Variants in TMEM232 observed in about 807,000 individuals in gnomAD.
The protein encoded by TMEM232 is transmembrane protein 232.
TMEM232 carries 80 observed loss-of-function variants against 78.8 expected under a neutral mutation model. That is an observed-to-expected ratio of 1.01 (90% CI 0.85 to 1.22). TMEM232 has a LOEUF of 1.22. Among genes scored for constraint, TMEM232 ranks in the 50% most tolerant of loss-of-function variants. The pLI is 0.00. For missense variants in TMEM232, 881 were observed against 742.2 expected, an observed-to-expected ratio of 1.19 and a Z score of -2.17; for synonymous variants, 297 against 254.3, an observed-to-expected ratio of 1.17 and a Z score of -1.60.
chr5:110,497,501 T>G (rs1765765701), intron 12 of TMEM232, among the ~76,000 whole-genome samples: 1 of 152,116 alleles, frequency 6.6e-6, no homozygotes, highest in Non-Finnish European at 1.5e-5. Flanking sequence ...AGACAGGGGC[T>G]TTGTATACCA....
At chr5:110,657,663 G>T (rs1580537594) in intron 2 of TMEM232, among the ~76,000 whole-genome samples, 1 of 152,004 alleles carries the variant, frequency 6.6e-6, no homozygotes, top group South Asian at 2.1e-4. Context: ...AGAAGAATTT[G>T]TTTTCGTGTT....
At chr5:110,453,453 C>T (rs949019858) in intron 12 of TMEM232, among the ~76,000 whole-genome samples, 3 of 152,078 alleles carry the variant, frequency 2.0e-5, no homozygotes, top group South Asian at 4.1e-4. Flanking sequence ...AGGCATGCTC[C>T]ACCACGTCCA....
rs1180087134 is a variant in TMEM232, at chr5:110,532,813, C to G, written c.1456-3978G>C. Among the ~76,000 whole-genome samples, 7 of 152,090 alleles carry G rather than the reference C, an allele frequency of 4.6e-5. No homozygotes were observed. The East Asian group carries it at 1.4e-3, about 29-fold the overall frequency. On this transcript the variant is annotated intron_variant, in intron 11 of 13. Transcript: ENST00000455884. ...CTCATTAAAACCTAATCACCCTTACCCCGCTCAATGCCAATATCCCATCCC... is the reference window on the plus strand; with the variant it reads ...CTCATTAAAACCTAATCACCCTTACGCCGCTCAATGCCAATATCCCATCCC...
intron 11 of TMEM232, among the ~76,000 whole-genome samples, chr5:110,567,333 A>G (rs1412057231): frequency 6.6e-6 from 1 of 151,692 alleles, no homozygotes; most frequent in Non-Finnish European, 1.5e-5. Context: ...ATTAAATTTA[A>G]TTATTAAACA....
intron 2 of TMEM232, among the ~76,000 whole-genome samples, chr5:110,406,804 A>C (rs1421487133): frequency 2.6e-5 from 4 of 152,128 alleles, no homozygotes; most frequent in African/African-American, 9.7e-5. Context: ...TAATTTTAAG[A>C]ATGTAAATTG....
At chr5:110,417,595 T>C (rs1052216447), downstream of TMEM232, 3 of 151,586 alleles carry the variant, frequency 2.0e-5, no homozygotes, top group South Asian at 6.2e-4. Context: ...AGGTGATGCT[T>C]TCTTTCAAAC....
intron 1 of TMEM232, among the ~76,000 whole-genome samples, chr5:110,700,139 T>C (rs1795262530): frequency 3.9e-5 from 6 of 152,022 alleles, no homozygotes; most frequent in Admixed American, 3.9e-4. Context: ...TTCGCACAAA[T>C]AATTCCCCAG....
At chr5:110,516,336 G>T (rs970422980) in intron 12 of TMEM232, among the ~76,000 whole-genome samples, 2 of 152,244 alleles carry the variant, frequency 1.3e-5, no homozygotes, top group Middle Eastern at 3.4e-3. Context: ...ATAATTAGTT[G>T]TTTATAAGAT....
chr5:110,587,691 A>ATATATATATGTG (rs1209205049), intron 10 of TMEM232, among the ~76,000 whole-genome samples: 79 of 63,104 alleles, frequency 1.3e-3, no homozygotes, highest in African/African-American at 4.2e-3. Context: ...ATATATATAT[A>ATATATATATGTG]TGTGTGTGTG....
chr5:110,444,739 A>G (rs1759462080), intron 12 of TMEM232, among the ~76,000 whole-genome samples: 1 of 152,220 alleles, frequency 6.6e-6, no homozygotes, highest in African/African-American at 2.4e-5. Context: ...TTTATTTTTG[A>G]GCACAATTTG....
At chr5:110,734,047 T>C (rs1375613633) in intron 2 of TMEM232, among the ~76,000 whole-genome samples, 1 of 152,384 alleles carries the variant, frequency 6.6e-6, no homozygotes, top group Non-Finnish European at 1.5e-5. Flanking sequence ...TTTGTGATGA[T>C]AGTATTTAAT....
intron 7 of TMEM232, among the ~76,000 whole-genome samples, chr5:110,623,944 T>C (rs923340185): frequency 6.6e-6 from 1 of 152,188 alleles, no homozygotes; most frequent in African/African-American, 2.4e-5. Flanking sequence ...CCCTTTCATG[T>C]ATTGACATTT....
chr5:110,573,028 T>C (rs1777145602), intron 10 of TMEM232, among the ~76,000 whole-genome samples: 2 of 151,942 alleles, frequency 1.3e-5, no homozygotes, highest in Non-Finnish European at 2.9e-5. Flanking sequence ...TGAGAGAAAA[T>C]ATGTCTGTGT....
upstream of TMEM232, among the ~76,000 whole-genome samples, chr5:110,727,956 T>C (rs1288804753): frequency 1.3e-5 from 2 of 152,154 alleles, no homozygotes; most frequent in African/African-American, 2.4e-5. Flanking sequence ...TATTTAATAA[T>C]AGCCTGGGGG....
At chr5:110,596,024 G>C (rs1780116492) in intron 10 of TMEM232, among the ~76,000 whole-genome samples, 1 of 152,152 alleles carries the variant, frequency 6.6e-6, no homozygotes, top group African/African-American at 2.4e-5. Context: ...GGCAGCCAGA[G>C]AGAAAGATCA....
In TMEM232 at chr5:110,568,623, C is replaced by T; in HGVS notation, c.1279G>A (p.Asp427Asn). ...YFSSKMSENCDQVVWTGYYGL... is the reference protein window; with the variant it reads ...YFSSKMSENCNQVVWTGYYGL... ...TAGTAACCAGTCCAGACTACTTGAT[C>T]ACCTGTTTAAAAAGAAAAAGTCTTT... The change falls in exon 11 of 14, where the codon GAT becomes AAT. Residue 427 changes from aspartate to asparagine, a missense_variant and splice_region_variant. Physicochemically the swap from Asp to Asn is conservative, Grantham distance 23 (BLOSUM62 1). Transcript: ENST00000455884. The T allele has an allele frequency of 6.5e-7, 1 of 1,528,742 alleles. No homozygotes were observed. The highest frequency in any genetic ancestry group is 1.4e-5 in the African/African-American group (1 of 71,512). 94.7% of individuals were successfully genotyped at this position (1,528,742 alleles called of 1,614,324 possible).
At chr5:110,654,115 A>G (rs568096136) in intron 2 of TMEM232, among the ~76,000 whole-genome samples, 24 of 152,180 alleles carry the variant, frequency 1.6e-4, no homozygotes, top group African/African-American at 5.3e-4. Flanking sequence ...CCTTCTCTGA[A>G]AAGTGTTCGT....
At chr5:110,520,858 T>C (rs1345456405) in intron 12 of TMEM232, among the ~76,000 whole-genome samples, 1 of 152,128 alleles carries the variant, frequency 6.6e-6, no homozygotes, top group South Asian at 2.1e-4. Context: ...GCAGAGGTTG[T>C]GGTAAGCCAA....
At position 110,577,126 on chromosome 5, in the gene TMEM232, T is replaced by C. The variant is rs375033027; in HGVS notation, c.1277-8501A>G. The stretch of plus-strand genomic sequence containing the variant: ...AATGGGAGAAAATTTTTGCACATTA[T>C]GTATCTGACAAATATCTAACATGCA... On this transcript the variant is annotated intron_variant, in intron 10 of 13. Coordinates refer to ENST00000455884, the MANE Select transcript of TMEM232 (RefSeq NM_001039763.4). Among the ~76,000 whole-genome samples the C allele has an allele frequency of 6.6e-5, 10 of 152,200 alleles. 1 individual carries two copies. The highest frequency in any genetic ancestry group is 5.8e-4 in the East Asian group (3 of 5,166).
Sources: gnomAD v4.1 joint callset for allele counts (sites outside exome capture counted in the v4.1 genomes callset) on GRCh38, gnomAD v4.1.1 for gene constraint, MANE v1.5 for transcripts, NCBI Gene and HGNC (gene_info 2026-07-23, HGNC 2026-07-21) for gene names.